DENND11: variants seen among roughly 807,000 people sequenced by gnomAD.
DENND11 encodes the protein DENN domain-containing protein 11.
DENND11 carries 34 observed loss-of-function variants against 49.2 expected under a neutral mutation model. That is an observed-to-expected ratio of 0.69 (90% CI 0.53 to 0.92). The LOEUF is 0.92. DENND11 is among the 40% of genes least tolerant of loss of function. The pLI, the probability that DENND11 is intolerant of heterozygous loss-of-function variation, is 0.00. For synonymous variants in DENND11, 238 were observed against 230.3 expected, an observed-to-expected ratio of 1.03 and a Z score of -0.30; for missense variants, 475 against 581.6, an observed-to-expected ratio of 0.82 and a Z score of 1.88.
intron 4 of DENND11, among the ~76,000 whole-genome samples, chr7:141,670,326 A>G (rs1401589934): frequency 6.6e-6 from 1 of 152,172 alleles, no homozygotes. Context: ...ACAACAGTGT[A>G]ATCATATCAC....
chr7:141,687,874 T>A (rs1798269412), intron 1 of DENND11, among the ~76,000 whole-genome samples: 2 of 152,134 alleles, frequency 1.3e-5, no homozygotes, highest in South Asian at 4.1e-4. Flanking sequence ...GACCTTGTGA[T>A]CCGCCCACCT....
chr7:141,664,915 G>T lies in DENND11; in HGVS notation c.1092C>A (p.Leu364=), dbSNP rs776674287. 1 of 1,612,066 alleles carries T rather than the reference G, an allele frequency of 6.2e-7. No homozygotes were observed. The highest frequency in any genetic ancestry group is 8.5e-7 in the Non-Finnish European group (1 of 1,179,054). The change falls in exon 7 of 9, where the codon CTC becomes CTA. Residue 364 remains leucine, a synonymous_variant. Transcript: ENST00000536163. Reference sequence around the variant, plus strand: ...TTAGCTGCCACTACCTCTGCTCGTTGAGCCGGCGGTACTTCTCCCTGTCAG... The same window carrying T: ...TTAGCTGCCACTACCTCTGCTCGTTTAGCCGGCGGTACTTCTCCCTGTCAG... ...NSADREKYRR[L]NEQRQMLLYS...
At position 141,657,437 on chromosome 7, in the gene DENND11, A is replaced by C. The variant is rs1797714657; in HGVS notation, c.*5219T>G. 6.6e-6 allele frequency: 1 copy of C among 152,174 alleles called. No individual in the cohort carries two copies. Among genetic ancestry groups the C allele is most frequent in the Non-Finnish European group, 1.5e-5 (1 of 68,032 alleles). 9.4% of individuals were successfully genotyped at this position (152,174 alleles called of 1,614,324 possible). The stretch of plus-strand genomic sequence containing the variant: ...ACTTTATCTTTCTTTAGTTTACCCA[A>C]AGGAAGGAGTTTTCACTCTAATGTC... On this transcript the variant is annotated 3_prime_UTR_variant, in exon 9 of 9. Coordinates refer to ENST00000536163, the MANE Select transcript of DENND11 (RefSeq NM_001080392.2).
At chr7:141,673,965 TGATCCAAA>T (rs778261153) in intron 4 of DENND11, 94 bp downstream of exon 4, 59 of 1,360,882 alleles carry the variant, frequency 4.3e-5, no homozygotes, top group Non-Finnish European at 5.4e-5. Context: ...ACATTTTGTA[TGATCCAAA>T]GACATAAATT....
chr7:141,677,048 C>T (rs919841268), intron 3 of DENND11, among the ~76,000 whole-genome samples: 5 of 152,174 alleles, frequency 3.3e-5, no homozygotes, highest in Non-Finnish European at 7.3e-5. Context: ...CTGTCCCTAC[C>T]ACACTGGCAA....
rs1008617086 is a variant in DENND11, at chr7:141,660,244, A to G, written c.*2412T>C. The G allele has an allele frequency of 2.6e-5, 4 of 152,228 alleles. No homozygotes were observed. The highest frequency in any genetic ancestry group is 9.7e-5 in the African/African-American group (4 of 41,446). The allele number at this position is 152,228 out of a possible 1,614,324, so 9.4% of individuals were successfully genotyped here. ...AAGCTGGCAAGGTAGGGAAGGACCA[A>G]TTTATTGGAATCTCTCTTAAAGGGA... is the stretch of plus-strand genomic sequence containing the variant. On this transcript the variant is annotated 3_prime_UTR_variant, in exon 9 of 9. Coordinates refer to ENST00000536163, the MANE Select transcript of DENND11 (RefSeq NM_001080392.2).
chr7:141,674,892 C>T (rs1798041795), intron 3 of DENND11, among the ~76,000 whole-genome samples: 1 of 152,162 alleles, frequency 6.6e-6, no homozygotes, highest in Non-Finnish European at 1.5e-5. Flanking sequence ...AGCACCGAAG[C>T]CCTGGGCCAT....
chr7:141,701,630 G>A (rs986616043), intron 1 of DENND11: 4 of 244,966 alleles, frequency 1.6e-5, no homozygotes, highest in Non-Finnish European at 2.3e-5. Flanking sequence ...GGGGAGAGGA[G>A]GTCGGCGGGG....
chr7:141,699,346 A>G (rs1798468323), intron 1 of DENND11, among the ~76,000 whole-genome samples: 1 of 152,152 alleles, frequency 6.6e-6, no homozygotes. Context: ...GCCCTGTCCT[A>G]GTGCTAACCT....
intron 3 of DENND11, 101 bp from the exon 4 acceptor site, chr7:141,674,321 T>C: frequency 1.4e-6 from 2 of 1,418,972 alleles, no homozygotes; most frequent in Non-Finnish European, 1.8e-6. Flanking sequence ...CTCAAGGGGC[T>C]GTAACACTCA....
At position 141,685,524 on chromosome 7, in the gene DENND11, A is replaced by G; in HGVS notation, c.481T>C (p.Tyr161His). 7.4e-6 allele frequency: 12 copies of G among 1,613,962 alleles called. No homozygotes were observed. The highest frequency in any genetic ancestry group is 1.0e-5 in the Non-Finnish European group (12 of 1,179,880). Reference protein sequence around the residue: ...MKSVGILSPSYTLLYRYMHFL... With the variant: ...MKSVGILSPSHTLLYRYMHFL... ...TGCATGTAGCGGTAAAGCAGTGTGT[A>G]GGAGGGAGAGAGGATGCCCACAGAC... is the stretch of plus-strand genomic sequence containing the variant. The change falls in exon 3 of 9, where the codon TAC becomes CAC. Residue 161 changes from tyrosine to histidine, a missense_variant. Tyr to His is a moderately conservative substitution (Grantham distance 83). Transcript: ENST00000536163.
At chr7:141,666,454 GAA>G in intron 4 of DENND11, 29 bp from the exon 5 acceptor site, 1 of 1,537,388 alleles carries the variant, frequency 6.5e-7, no homozygotes, top group Non-Finnish European at 8.8e-7. Flanking sequence ...ATAGGGAGGA[GAA>G]AGAGTGAGGA....
chr7:141,660,792 G>A lies in DENND11; in HGVS notation c.*1864C>T, dbSNP rs1022406730. 1 of 152,584 alleles carries A rather than the reference G, an allele frequency of 6.6e-6. No individual in the cohort carries two copies. Among genetic ancestry groups the A allele is most frequent in the African/African-American group, 2.4e-5 (1 of 41,424 alleles). The allele number at this position is 152,584 out of a possible 1,614,324, so 9.5% of individuals were successfully genotyped here. On this transcript the variant is annotated 3_prime_UTR_variant, in exon 9 of 9. Transcript: ENST00000536163. ...AACCCTTGAGAGGCAAGAAGAGAGG[G>A]TTGCATGTAAAGGAGAATAAAAGGT...
intron 1 of DENND11, among the ~76,000 whole-genome samples, chr7:141,687,631 A>ATTTTTTTT (rs36080710): frequency 8.9e-6 from 1 of 112,826 alleles, no homozygotes. Flanking sequence ...CACTCGGCTA[A>ATTTTTTTT]TTTTTTTTTT....
Position 141,662,592 on chromosome 7 carries a change from C to T in DENND11, c.*64G>A. 7.9e-7 allele frequency: 1 copy of T among 1,259,712 alleles called. No homozygotes were observed. The highest frequency in any genetic ancestry group is 1.1e-6 in the Non-Finnish European group (1 of 934,958). The allele number at this position is 1,259,712 out of a possible 1,614,324, so 78.0% of individuals were successfully genotyped here. On this transcript the variant is annotated 3_prime_UTR_variant, in exon 9 of 9. Transcript: ENST00000536163. ...AATAAAAAATGAGGCCCTCTGGGGC[C>T]CTGGGGTGAACTCCGGGCTGCTGAC...
chr7:141,674,681 G>A (rs989266712), intron 3 of DENND11, among the ~76,000 whole-genome samples: 2 of 152,110 alleles, frequency 1.3e-5, no homozygotes, highest in East Asian at 1.9e-4. Context: ...GGAAGAATAC[G>A]GAGCTTACCC....
chr7:141,673,778 G>C (rs563548707), intron 4 of DENND11, among the ~76,000 whole-genome samples: 1 of 152,276 alleles, frequency 6.6e-6, no homozygotes, highest in Non-Finnish European at 1.5e-5. Flanking sequence ...AATGTCTAGT[G>C]TTAAAATATC....
At position 141,664,954 on chromosome 7, in the gene DENND11, C is replaced by T. The variant is rs757738790; in HGVS notation, c.1053G>A (p.Leu351=). Residue 351 remains leucine, a synonymous_variant, in exon 7 of 9, where the codon CTG becomes CTA. Coordinates refer to ENST00000536163, the MANE Select transcript of DENND11 (RefSeq NM_001080392.2). ...KTHHDHLQPL[L]KINSADREKY... is the part of the protein sequence containing the mutation. ...TCTCCCTGTCAGCACTGTTGATCTT[C>T]AGCAGCGGCTGCAGGTGGTCGTGGT... 2.6e-5 allele frequency: 42 copies of T among 1,613,482 alleles called. No homozygotes were observed. The South Asian group carries it at 3.6e-4, about 14-fold the overall frequency.
intron 3 of DENND11, among the ~76,000 whole-genome samples, chr7:141,682,771 T>C (rs981737943): frequency 5.9e-5 from 9 of 152,214 alleles, no homozygotes; most frequent in African/African-American, 2.2e-4. Context: ...GCCTCTGTTC[T>C]TGCCTTTTAG....
Sources: allele counts gnomAD v4.1 joint callset (sites outside exome capture counted in the v4.1 genomes callset), GRCh38; gene constraint gnomAD v4.1.1; transcripts MANE v1.5; gene names NCBI Gene and HGNC (gene_info 2026-07-23, HGNC 2026-07-21).